Variants in VCAN observed in about 807,000 individuals in gnomAD.
VCAN encodes the protein versican.
Under a neutral mutation model 245.5 loss-of-function variants are expected in VCAN, and 44 were observed. That is an observed-to-expected ratio of 0.18 (90% CI 0.14 to 0.23). The LOEUF (loss-of-function observed/expected upper bound fraction) is 0.23. VCAN is among the 10% of genes least tolerant of loss of function. The pLI is 1.00. For synonymous variants in VCAN, 1,413 were observed against 1,437.0 expected, an observed-to-expected ratio of 0.98 and a Z score of 0.38; for missense variants, 3,793 against 4,057.9, an observed-to-expected ratio of 0.93 and a Z score of 1.77.
At chr5:83,474,546 C>G (rs1048679341) in intron 1 of VCAN, among the ~76,000 whole-genome samples, 2 of 152,220 alleles carry the variant, frequency 1.3e-5, no homozygotes, top group Non-Finnish European at 2.9e-5. Flanking sequence ...AAGGGAGGAC[C>G]CGCAACGGGC....
chr5:83,494,132 G>A (rs1423378752), intron 5 of VCAN, among the ~76,000 whole-genome samples: 1 of 152,184 alleles, frequency 6.6e-6, no homozygotes, highest in African/African-American at 2.4e-5. Context: ...TGGTTATGCA[G>A]GTTAGAAATG....
intron 5 of VCAN, among the ~76,000 whole-genome samples, chr5:83,498,926 C>T (rs1348425188): frequency 6.6e-6 from 1 of 152,140 alleles, no homozygotes; most frequent in Non-Finnish European, 1.5e-5. Context: ...ACATACTCTG[C>T]CTGGTCTTCA....
intron 12 of VCAN, among the ~76,000 whole-genome samples, chr5:83,569,356 G>C (rs1251739612): frequency 6.6e-6 from 1 of 152,112 alleles, no homozygotes; most frequent in African/African-American, 2.4e-5. Context: ...TTAGGTATTG[G>C]TGTGGGTTGG....
intron 2 of VCAN, among the ~76,000 whole-genome samples, chr5:83,488,958 T>C (rs972106210): frequency 3.9e-5 from 6 of 152,260 alleles, no homozygotes; most frequent in Non-Finnish European, 8.8e-5. Flanking sequence ...ATCTCCATAG[T>C]ATCTTCTTGC....
At chr5:83,479,658 A>G (rs987577007) in intron 1 of VCAN, among the ~76,000 whole-genome samples, 14 of 152,200 alleles carry the variant, frequency 9.2e-5, no homozygotes, top group Non-Finnish European at 1.8e-4. Context: ...GTGGTGCTAA[A>G]AACAAAGAAA....
chr5:83,521,347 C>A lies in VCAN; in HGVS notation c.3041C>A (p.Ala1014Glu). ...ILVIDQTRLE[A>E]TISPETMRTT... Reference sequence around the variant, plus strand: ...GTCATTGATCAGACTCGCCTTGAAGCGACTATTTCTCCAGAAACTATGAGA... The same window carrying A: ...GTCATTGATCAGACTCGCCTTGAAGAGACTATTTCTCCAGAAACTATGAGA... Residue 1014 changes from alanine (A) to glutamate (E), a missense_variant, in exon 7 of 15, where the codon GCG becomes GAG. Physicochemically the swap from Ala to Glu is moderately radical, Grantham distance 107 (BLOSUM62 -1). This residue lies in a region of VCAN where 3,182 missense variants were observed against 3,250.3 expected (regional missense o/e 0.98). Transcript: ENST00000265077. 6.2e-7 allele frequency: 1 copy of A among 1,613,994 alleles called. No individual in the cohort carries two copies. Among genetic ancestry groups the A allele is most frequent in the African/African-American group, 1.3e-5 (1 of 75,014 alleles).
At chr5:83,486,224 C>T (rs1234889752) in intron 2 of VCAN, among the ~76,000 whole-genome samples, 1 of 152,172 alleles carries the variant, frequency 6.6e-6, no homozygotes, top group Non-Finnish European at 1.5e-5. Context: ...CTTCCATGCT[C>T]TTGGGATAAG....
Position 83,539,583 on chromosome 5 carries a change from A to T in VCAN, c.6580A>T (p.Thr2194Ser). The T allele has an allele frequency of 1.9e-6, 3 of 1,614,086 alleles. No homozygotes were observed. The highest frequency in any genetic ancestry group is 2.5e-6 in the Non-Finnish European group (3 of 1,179,998). ...AGATGCAAATGGCTTGGAATCTTAC[A>T]CAACTCTCCCTGAAGCTACTGAAAA... Reference protein sequence around the residue: ...DPDANGLESYTTLPEATEKSH... With the variant: ...DPDANGLESYSTLPEATEKSH... The change falls in exon 8 of 15, where the codon ACA becomes TCA. Residue 2194 changes from threonine (T) to serine (S), a missense_variant. By Grantham distance (58) the Thr-to-Ser change is moderately conservative (BLOSUM62 1). Coordinates refer to ENST00000265077, the MANE Select transcript of VCAN (RefSeq NM_004385.5).
intron 14 of VCAN, 59 bp downstream of exon 14, chr5:83,580,221 A>C: frequency 6.2e-7 from 1 of 1,613,810 alleles, no homozygotes; most frequent in Non-Finnish European, 8.5e-7. Context: ...AGACACCTTC[A>C]TTTTACGGCT....
chr5:83,555,155 G>A, intron 12 of VCAN, 117 bp downstream of exon 12: 2 of 1,027,960 alleles, frequency 1.9e-6, no homozygotes, highest in Non-Finnish European at 3.0e-6. Context: ...ACTTGCTCAA[G>A]GTCACTCAGT....
chr5:83,578,355 G>A (rs951648195), intron 13 of VCAN, among the ~76,000 whole-genome samples: 4 of 152,014 alleles, frequency 2.6e-5, no homozygotes, highest in Non-Finnish European at 5.9e-5. Context: ...GGAGGAGGGA[G>A]AAGATTAGAA....
At chr5:83,556,907 A>G (rs1747690604) in intron 12 of VCAN, among the ~76,000 whole-genome samples, 1 of 152,146 alleles carries the variant, frequency 6.6e-6, no homozygotes, top group African/African-American at 2.4e-5. Flanking sequence ...ATTCTCATGG[A>G]ATACATTGGG....
intron 6 of VCAN, among the ~76,000 whole-genome samples, chr5:83,518,007 G>A (rs1319264603): frequency 3.3e-5 from 5 of 152,078 alleles, no homozygotes; most frequent in Admixed American, 2.0e-4. Flanking sequence ...CTAAAAGGTA[G>A]CCTGTTTTGT....
intron 7 of VCAN, among the ~76,000 whole-genome samples, chr5:83,528,105 G>A (rs955103105): frequency 6.6e-6 from 1 of 152,152 alleles, no homozygotes; most frequent in African/African-American, 2.4e-5. Flanking sequence ...GTGCTCCAAA[G>A]GCATATTGGC....
chr5:83,571,996 T>TATC (rs1356047112), intron 12 of VCAN, among the ~76,000 whole-genome samples: 1 of 152,152 alleles, frequency 6.6e-6, no homozygotes, highest in East Asian at 1.9e-4. Flanking sequence ...TCGATTGAGG[T>TATC]ATCATCACAA....
intron 10 of VCAN, among the ~76,000 whole-genome samples, chr5:83,551,197 C>T (rs1466417678): frequency 6.6e-6 from 1 of 151,916 alleles, no homozygotes; most frequent in Non-Finnish European, 1.5e-5. Flanking sequence ...AGGAAAAATA[C>T]TTAATGATAA....
chr5:83,574,494 C>T (rs1748405270), intron 13 of VCAN, among the ~76,000 whole-genome samples: 1 of 152,156 alleles, frequency 6.6e-6, no homozygotes, highest in Non-Finnish European at 1.5e-5. Context: ...CTAATCCCTT[C>T]CCTAGAATTT....
intron 13 of VCAN, among the ~76,000 whole-genome samples, chr5:83,576,161 G>A (rs1328768995): frequency 6.6e-6 from 1 of 151,922 alleles, no homozygotes; most frequent in Non-Finnish European, 1.5e-5. Context: ...TATCCTGTGG[G>A]TTCCTCTCAA....
intron 12 of VCAN, 115 bp from the exon 13 acceptor site, chr5:83,572,301 A>G: frequency 7.7e-7 from 1 of 1,297,204 alleles, no homozygotes; most frequent in Non-Finnish European, 1.1e-6. Context: ...TTTCAGCTAT[A>G]TGAAACAACA....
Sources: allele counts gnomAD v4.1 joint callset (sites outside exome capture counted in the v4.1 genomes callset), GRCh38; gene constraint gnomAD v4.1.1; regional missense constraint gnomAD v4.1.1; transcripts MANE v1.5; gene names NCBI Gene and HGNC (gene_info 2026-07-23, HGNC 2026-07-21).